Variants in PCDHA8 observed in about 807,000 individuals in gnomAD.
The protein encoded by PCDHA8 is protocadherin alpha-8.
A neutral mutation model predicts 61.8 loss-of-function variants in PCDHA8; 53 were observed. The observed-to-expected ratio is 0.86, with a 90% CI of 0.69 to 1.08. PCDHA8 has a LOEUF of 1.08. PCDHA8 is among the 50% of genes least tolerant of loss of function. PCDHA8 has a pLI of 0.00. For missense variants in PCDHA8, 1,293 were observed against 1,245.0 expected (o/e 1.04, Z -0.58); for synonymous variants, 618 against 556.6 (o/e 1.11, Z -1.55).
chr5:141,000,774 G>A (rs1399583734), intron 3 of PCDHA8, among the ~76,000 whole-genome samples: 1 of 151,828 alleles, frequency 6.6e-6, no homozygotes, highest in Non-Finnish European at 1.5e-5. Context: ...AGGCATAGTG[G>A]CGCACACCTG....
intron 1 of PCDHA8, chr5:140,864,834 A>T (rs2048619369): frequency 6.6e-6 from 1 of 152,166 alleles, no homozygotes; most frequent in African/African-American, 2.4e-5. Context: ...TTTAAGTATA[A>T]GAGAGTCTTC....
chr5:140,904,552 T>C (rs1233525886), intron 1 of PCDHA8, among the ~76,000 whole-genome samples: 1 of 152,084 alleles, frequency 6.6e-6, no homozygotes, highest in Non-Finnish European at 1.5e-5. Flanking sequence ...TTTCATATAA[T>C]GACTTTTTTT....
At chr5:140,959,230 A>C (rs776449475) in intron 1 of PCDHA8, among the ~76,000 whole-genome samples, 13 of 152,092 alleles carry the variant, frequency 8.5e-5, no homozygotes, top group Non-Finnish European at 1.0e-4. Context: ...TACAAAAATT[A>C]TCTGGGCATG....
At chr5:140,926,926 T>C in intron 1 of PCDHA8, 1 of 1,573,576 alleles carries the variant, frequency 6.4e-7, no homozygotes, top group South Asian at 1.2e-5. Flanking sequence ...TTTATGTTTG[T>C]GGGTTTCCTG....
chr5:140,843,337 C>A lies in PCDHA8; in HGVS notation c.2016C>A (p.Ser672Arg), dbSNP rs2150357766. Residue 672 changes from serine to arginine, a missense_variant, in exon 1 of 4, where the codon AGC (serine) becomes AGA (arginine). Coordinates refer to ENST00000531613, the MANE Select transcript of PCDHA8 (RefSeq NM_018911.3). ...TATVLVSLVESGQAPKASSRQ... is the reference protein window; with the variant it reads ...TATVLVSLVERGQAPKASSRQ... ...CGGTTCTGGTGTCGCTGGTGGAGAGCGGCCAGGCTCCAAAAGCGTCATCGA... is the reference window on the plus strand; with the variant it reads ...CGGTTCTGGTGTCGCTGGTGGAGAGAGGCCAGGCTCCAAAAGCGTCATCGA... 16 of 1,596,000 alleles carry A rather than the reference C, an allele frequency of 1.0e-5. 3 individuals carry two copies. Among genetic ancestry groups the A allele is most frequent in the Non-Finnish European group, 1.2e-5 (14 of 1,165,568 alleles).
intron 1 of PCDHA8, chr5:140,869,246 T>C (rs782232383): frequency 1.2e-6 from 2 of 1,613,640 alleles, no homozygotes. Flanking sequence ...GTGGGCCGCA[T>C]CGCGCAGGAC....
chr5:140,921,017 T>C (rs2153559418), intron 1 of PCDHA8, among the ~76,000 whole-genome samples: 1 of 152,192 alleles, frequency 6.6e-6, no homozygotes, highest in African/African-American at 2.4e-5. Context: ...TCTTGCTATG[T>C]TTTCTAGACT....
At chr5:140,876,843 G>A (rs1554169011) in intron 1 of PCDHA8, 3 of 1,614,128 alleles carry the variant, frequency 1.9e-6, no homozygotes, top group East Asian at 2.2e-5. Flanking sequence ...CGTTCGCGCA[G>A]CCCGAGTACA....
chr5:140,857,290 C>A (rs781985413), intron 1 of PCDHA8: 2 of 1,598,706 alleles, frequency 1.3e-6, no homozygotes, highest in South Asian at 1.1e-5. Flanking sequence ...CTCTGGACCG[C>A]GAGAGGGTGT....
intron 1 of PCDHA8, among the ~76,000 whole-genome samples, chr5:140,915,602 C>T (rs1298727977): frequency 6.6e-6 from 1 of 151,066 alleles, no homozygotes; most frequent in Non-Finnish European, 1.5e-5. Context: ...TTTTCCCTTA[C>T]TTTCTGTCAA....
At chr5:140,960,748 A>C (rs1408249489) in intron 1 of PCDHA8, among the ~76,000 whole-genome samples, 1 of 152,008 alleles carries the variant, frequency 6.6e-6, no homozygotes, top group Non-Finnish European at 1.5e-5. Flanking sequence ...TCCATGGCTA[A>C]AATCCCAAGA....
At chr5:140,948,371 T>G (rs1310252601) in intron 1 of PCDHA8, among the ~76,000 whole-genome samples, 1 of 151,586 alleles carries the variant, frequency 6.6e-6, no homozygotes, top group Non-Finnish European at 1.5e-5. Flanking sequence ...TTAGGAGGTG[T>G]TCCTTCCTCT....
At chr5:140,883,897 G>A in intron 1 of PCDHA8, 1 of 1,613,332 alleles carries the variant, frequency 6.2e-7, no homozygotes, top group Non-Finnish European at 8.5e-7. Flanking sequence ...CTGGCGTGCC[G>A]CCTCTGGGCA....
chr5:140,850,456 A>T lies in PCDHA8; in HGVS notation c.2394+6741A>T, dbSNP rs2150485002. 3 of 1,597,744 alleles carry T rather than the reference A, an allele frequency of 1.9e-6. No homozygotes were observed. In the Admixed American group the frequency reaches 5.1e-5, roughly 27 times the overall value. ...CGCCTACTGGTGCTGGTGAAAGACC[A>T]CGGGGAGCCAGCGCTGACGGCCACG... On this transcript the variant is annotated intron_variant, in intron 1 of 3. Coordinates refer to ENST00000531613, the MANE Select transcript of PCDHA8 (RefSeq NM_018911.3).
chr5:140,937,588 G>T (rs1414065719), intron 1 of PCDHA8, among the ~76,000 whole-genome samples: 1 of 151,364 alleles, frequency 6.6e-6, no homozygotes, highest in African/African-American at 2.4e-5. Context: ...CTGCACTCTA[G>T]CCTGGGCAAC....
intron 1 of PCDHA8, among the ~76,000 whole-genome samples, chr5:140,919,232 T>G (rs1178591658): frequency 3.9e-5 from 6 of 152,246 alleles, no homozygotes; most frequent in African/African-American, 1.4e-4. Flanking sequence ...CTAGTAACAC[T>G]TTTTGTCTTG....
chr5:140,900,693 T>A (rs1223398418), intron 1 of PCDHA8, among the ~76,000 whole-genome samples: 1 of 152,242 alleles, frequency 6.6e-6, no homozygotes, highest in African/African-American at 2.4e-5. Flanking sequence ...TATACTGATT[T>A]CCGTTCTTTT....
intron 3 of PCDHA8, among the ~76,000 whole-genome samples, chr5:140,983,914 AGGATT>A (rs1327360241): frequency 6.6e-6 from 1 of 152,244 alleles, no homozygotes; most frequent in Non-Finnish European, 1.5e-5. Flanking sequence ...CTAATCAGCC[AGGATT>A]TGCTATTTAT....
At chr5:140,920,415 G>A (rs1229102806) in intron 1 of PCDHA8, among the ~76,000 whole-genome samples, 4 of 152,002 alleles carry the variant, frequency 2.6e-5, no homozygotes, top group Non-Finnish European at 5.9e-5. Flanking sequence ...ATCAGATACA[G>A]CTGTTCTCCC....
Sources: gnomAD v4.1 joint callset for allele counts (sites outside exome capture counted in the v4.1 genomes callset) on GRCh38, gnomAD v4.1.1 for gene constraint, MANE v1.5 for transcripts, NCBI Gene and HGNC (gene_info 2026-07-23, HGNC 2026-07-21) for gene names.